NRG4: variants seen among roughly 807,000 people sequenced by gnomAD.
NRG4 encodes neuregulin 4.
NRG4 carries 10 observed loss-of-function variants against 15.0 expected under a neutral mutation model. The ratio of observed to expected loss-of-function variants is 0.67; its 90% CI spans 0.41 to 1.13. The LOEUF is 1.13. Among genes scored for constraint, NRG4 ranks in the 50% most tolerant of loss-of-function variants. The pLI, the probability that NRG4 is intolerant of heterozygous loss-of-function variation, is 0.00. For missense variants in NRG4, 139 were observed against 140.2 expected, an observed-to-expected ratio of 0.99 and a Z score of 0.04; for synonymous variants, 41 against 50.1, an observed-to-expected ratio of 0.82 and a Z score of 0.77.
intron 3 of NRG4, among the ~76,000 whole-genome samples, chr15:75,972,642 C>T (rs966578788): frequency 1.3e-5 from 2 of 152,126 alleles, no homozygotes; most frequent in African/African-American, 4.8e-5. Flanking sequence ...TTCCCCCTTA[C>T]TTATTTTTTG....
chr15:75,965,203 C>T (rs910740959), intron 3 of NRG4, among the ~76,000 whole-genome samples: 1 of 151,604 alleles, frequency 6.6e-6, no homozygotes, highest in South Asian at 2.1e-4. Flanking sequence ...CCAGCTTGGG[C>T]GACAGGGTGA....
At chr15:76,034,960 A>G (rs1425014565) in intron 5 of NRG4, among the ~76,000 whole-genome samples, 3 of 152,162 alleles carry the variant, frequency 2.0e-5, no homozygotes, top group Non-Finnish European at 2.9e-5. Flanking sequence ...GATTTTTCCT[A>G]TTGCTTCTCC....
At position 75,977,385 on chromosome 15, in the gene NRG4, C is replaced by G. The variant is rs1325545248; in HGVS notation, c.105-15411G>C. On this transcript the variant is annotated intron_variant, in intron 3 of 5. Coordinates refer to ENST00000394907, the MANE Select transcript of NRG4 (RefSeq NM_138573.4). This position sits in a 1 kb window ranked among gnomAD's most constrained non-coding sequence, Gnocchi z 4.9. ...ACTGGGGTATGAAAAACCCCTGCAG[C>G]TAGCTCTGTGTCTGCCAAAATAACC... Among the ~76,000 whole-genome samples, 1 of 152,186 alleles carries G rather than the reference C, an allele frequency of 6.6e-6. No homozygotes were observed. The highest frequency in any genetic ancestry group is 1.5e-5 in the Non-Finnish European group (1 of 68,030).
chr15:76,019,116 G>C (rs1343161085), intron 5 of NRG4, among the ~76,000 whole-genome samples: 1 of 152,068 alleles, frequency 6.6e-6, no homozygotes, highest in Non-Finnish European at 1.5e-5. Context: ...CTTCCAGGCG[G>C]CTTTGTTTAC....
chr15:75,986,360 AC>A (rs2033802071), intron 3 of NRG4, among the ~76,000 whole-genome samples: 2 of 152,212 alleles, frequency 1.3e-5, no homozygotes, highest in South Asian at 4.1e-4. Flanking sequence ...AATATGACAT[AC>A]ATATAAGGTT....
At chr15:75,951,379 G>A (rs2031896463) in intron 5 of NRG4, among the ~76,000 whole-genome samples, 1 of 151,844 alleles carries the variant, frequency 6.6e-6, no homozygotes, top group Admixed American at 6.6e-5. Context: ...TGTTGGCCAG[G>A]CTGATCTTGA....
At chr15:76,013,024 CTG>C (rs2034865344), upstream of NRG4, among the ~76,000 whole-genome samples, 1 of 152,070 alleles carries the variant, frequency 6.6e-6, no homozygotes, top group African/African-American at 2.4e-5. Context: ...TTGACTAAAA[CTG>C]TAATTTTGTT....
chr15:76,034,618 C>CT (rs2035556928), intron 5 of NRG4, among the ~76,000 whole-genome samples: 1 of 131,486 alleles, frequency 7.6e-6, no homozygotes, highest in Non-Finnish European at 1.7e-5. Context: ...ATAACCATAG[C>CT]TAAAAAAAAA....
chr15:75,940,283 C>T (rs1181027461), downstream of NRG4: 1 of 151,928 alleles, frequency 6.6e-6, no homozygotes, highest in Non-Finnish European at 1.5e-5. Context: ...ATTAGCTTAC[C>T]CAAGGTGGTA....
chr15:76,054,303 C>A (rs1385156371), intron 2 of NRG4, among the ~76,000 whole-genome samples: 1 of 144,474 alleles, frequency 6.9e-6, no homozygotes, highest in African/African-American at 2.7e-5. Context: ...ATTGCCCAGT[C>A]TGATCTTGAA....
chr15:76,042,990 G>A (rs924999574), intron 4 of NRG4, among the ~76,000 whole-genome samples: 2 of 152,014 alleles, frequency 1.3e-5, no homozygotes, highest in African/African-American at 4.8e-5. Flanking sequence ...ATGGATGCAA[G>A]GATGGTTCAA....
At chr15:76,022,279 T>C (rs2035178520) in intron 5 of NRG4, among the ~76,000 whole-genome samples, 1 of 152,212 alleles carries the variant, frequency 6.6e-6, no homozygotes, top group African/African-American at 2.4e-5. Flanking sequence ...GGACAGTCTC[T>C]TGCTGGATGA....
intron 3 of NRG4, chr15:76,005,699 A>AAT (rs397854335): frequency 3.1e-6 from 1 of 324,382 alleles, no homozygotes; most frequent in Non-Finnish European, 6.0e-6. Context: ...AAAAAAAAAA[A>AAT]GGAAAGAAAA....
chr15:76,028,635 C>G (rs2035380603), intron 5 of NRG4, among the ~76,000 whole-genome samples: 1 of 151,232 alleles, frequency 6.6e-6, no homozygotes. Flanking sequence ...TGTGGTGGCT[C>G]ACGCCTGTAA....
rs926670489 is a variant in NRG4, at chr15:76,030,787, G to T, written c.-57+5157C>A. 3.3e-5 allele frequency among the ~76,000 whole-genome samples: 5 copies of T among 152,270 alleles called. No homozygotes were observed. In the East Asian group the frequency reaches 5.8e-4, roughly 18 times the overall value. On this transcript the variant is annotated intron_variant, in intron 5 of 8. Transcript: ENST00000563910. ...ACAAAGGAAACACTATGCCTGGATG[G>T]CTTCACTGGTGAATTCCACCAAACA...
chr15:76,038,922 ATTTG>A (rs1008569859), intron 4 of NRG4, among the ~76,000 whole-genome samples: 1 of 152,212 alleles, frequency 6.6e-6, no homozygotes, highest in African/African-American at 2.4e-5. Context: ...GAGAAACTCC[ATTTG>A]TTTGGGAGAA....
rs1233226418 is a variant in NRG4 at position 76,048,843 on chromosome 15, G to A, written c.-105+3224C>T. 2.7e-5 allele frequency among the ~76,000 whole-genome samples: 4 copies of A among 150,478 alleles called. No homozygotes were observed. The East Asian group carries it at 5.8e-4, about 22-fold the overall frequency. On this transcript the variant is annotated intron_variant, in intron 4 of 8. Coordinates refer to the NRG4 transcript ENST00000563910. ...ATGGATCACCTGAGGTCAGGAGTTC[G>A]AGACCAGCCTGGCCAACATAGTAAA...
chr15:75,970,608 G>T (rs531525215), intron 3 of NRG4, among the ~76,000 whole-genome samples: 15 of 152,182 alleles, frequency 9.9e-5, no homozygotes, highest in Admixed American at 6.5e-4. Flanking sequence ...GGTCACTCTC[G>T]ATAATTATTC....
rs2033433376 is a variant in NRG4, at chr15:75,977,785, G to C, written c.105-15811C>G. Among the ~76,000 whole-genome samples the C allele has an allele frequency of 6.6e-6, 1 of 151,840 alleles. No homozygotes were observed. Among genetic ancestry groups the C allele is most frequent in the Non-Finnish European group, 1.5e-5 (1 of 67,934 alleles). ...GCCATCTTATCACTTCTTTCTTTTG[G>C]GAACATTCCCAATCTTCTCTTCCAG... On this transcript the variant is annotated intron_variant, in intron 3 of 5. Coordinates refer to ENST00000394907, the MANE Select transcript of NRG4 (RefSeq NM_138573.4). This position sits in a 1 kb window ranked among gnomAD's most constrained non-coding sequence, Gnocchi z 4.9.
Sources: gnomAD v4.1 joint callset for allele counts (sites outside exome capture counted in the v4.1 genomes callset) on GRCh38, gnomAD v4.1.1 for gene constraint, Gnocchi (gnomAD v3.1) non-coding constraint, MANE v1.5 for transcripts, NCBI Gene and HGNC (gene_info 2026-07-23, HGNC 2026-07-21) for gene names.